Variants in ACACA observed in about 807,000 individuals in gnomAD.
ACACA encodes the protein acetyl-CoA carboxylase alpha.
In ACACA, 103 loss-of-function variants were observed where a neutral mutation model predicts 296.1. That is an observed-to-expected ratio of 0.35 (90% CI 0.30 to 0.41). The LOEUF (loss-of-function observed/expected upper bound fraction) is 0.41. Ranked by LOEUF, ACACA falls within the 10% of genes least tolerant of loss-of-function variation. The pLI, the probability that ACACA is intolerant of heterozygous loss-of-function variation, is 1.00. For synonymous variants in ACACA, 953 were observed against 1,038.6 expected (o/e 0.92, Z 1.58); for missense variants, 1,554 against 2,989.7 (o/e 0.52, Z 11.20).
intron 10 of ACACA, among the ~76,000 whole-genome samples, chr17:37,269,272 C>G (rs2081962879): frequency 6.6e-6 from 1 of 152,132 alleles, no homozygotes; most frequent in South Asian, 2.1e-4. Context: ...CCAATCCTGG[C>G]CAAGACAACA....
chr17:37,262,059 T>C (rs550615444), intron 11 of ACACA, among the ~76,000 whole-genome samples: 2 of 152,190 alleles, frequency 1.3e-5, no homozygotes, highest in South Asian at 4.2e-4. Flanking sequence ...CTTCAGGTTG[T>C]CTTCCTTGGA....
intron 29 of ACACA, among the ~76,000 whole-genome samples, chr17:37,219,357 C>G (rs145497869): frequency 3.9e-5 from 6 of 152,218 alleles, no homozygotes; most frequent in African/African-American, 1.4e-4. Context: ...TTTGGCTGAT[C>G]CTGACAATAA....
At chr17:37,088,803 C>T (rs2072403534) in intron 55 of ACACA, 135 bp downstream of exon 55, 1 of 1,227,540 alleles carries the variant, frequency 8.1e-7, no homozygotes, top group South Asian at 1.2e-5. Flanking sequence ...TGTGGGTCAA[C>T]TACAGCTGTC....
chr17:37,303,457 G>C (rs1051385482), intron 3 of ACACA, among the ~76,000 whole-genome samples: 1 of 152,158 alleles, frequency 6.6e-6, no homozygotes, highest in South Asian at 2.1e-4. Flanking sequence ...GAACATTCAT[G>C]TATAAACTTT....
Position 37,192,313 on chromosome 17 carries a change from C to G in ACACA, c.4201-8G>C, listed in dbSNP as rs778635815. On this transcript the variant is annotated splice_region_variant and splice_polypyrimidine_tract_variant and intron_variant, in intron 36 of 55. Coordinates refer to ENST00000616317, the MANE Select transcript of ACACA (RefSeq NM_198834.3). ...GATACGATCCTCCTCAAACTGAGTA[C>G]AAGAATCAGAGAAAAAACAGCTCAC... 1 of 1,612,852 alleles carries G rather than the reference C, an allele frequency of 6.2e-7. No individual in the cohort carries two copies.
chr17:37,210,751 C>CA (rs57591064), intron 29 of ACACA, among the ~76,000 whole-genome samples: 8,548 of 72,348 alleles, frequency 0.12, 768 homozygotes, highest in African/African-American at 0.23. Context: ...GCTCTATTAC[C>CA]AAAAAAAAAA....
At chr17:37,136,238 A>C (rs2075327331) in intron 45 of ACACA, among the ~76,000 whole-genome samples, 1 of 152,032 alleles carries the variant, frequency 6.6e-6, no homozygotes, top group Non-Finnish European at 1.5e-5. Context: ...CTCCACCCCT[A>C]ACAACCATTG....
At position 37,406,435 on chromosome 17, in the gene ACACA, C is replaced by A; in HGVS notation, c.-136G>T. The A allele has an allele frequency of 1.0e-6, 1 of 1,002,858 alleles. No homozygotes were observed. Among genetic ancestry groups the A allele is most frequent in the South Asian group, 1.3e-5 (1 of 77,612 alleles). The allele number at this position is 1,002,858 out of a possible 1,614,324, so 62.1% of individuals were successfully genotyped here. A position where few individuals can be genotyped will look rare whatever the true frequency, so the allele number is the denominator to read the frequency against. ...TTCACCCCTTAAAATCAGTCTGGTT[C>A]ATCCACGAGCAGCCCTTCGGGGCCC... On this transcript the variant is annotated 5_prime_UTR_variant, in exon 1 of 56. An upstream start codon of the reference 5' UTR is lost. Transcript: ENST00000616317.
chr17:37,286,892 T>A (rs919144443), intron 3 of ACACA, among the ~76,000 whole-genome samples: 2 of 152,206 alleles, frequency 1.3e-5, no homozygotes, highest in African/African-American at 4.8e-5. Context: ...CTCCCAGACT[T>A]AGAGGTGATA....
chr17:37,393,227 G>A (rs1024016635), intron 1 of ACACA, among the ~76,000 whole-genome samples: 5 of 151,856 alleles, frequency 3.3e-5, no homozygotes, highest in African/African-American at 9.7e-5. Flanking sequence ...AAAGAGCACT[G>A]AGGTTGGCAT....
intron 45 of ACACA, among the ~76,000 whole-genome samples, chr17:37,132,915 T>A (rs1251754275): frequency 5.9e-5 from 9 of 152,218 alleles, no homozygotes; most frequent in Non-Finnish European, 1.0e-4. Context: ...GCTCAATAAC[T>A]GAGTACTCTT....
intron 48 of ACACA, 24 bp downstream of exon 48, chr17:37,125,674 C>T (rs747803773): frequency 8.9e-6 from 14 of 1,579,368 alleles, no homozygotes; most frequent in Non-Finnish European, 4.4e-6. Flanking sequence ...GGAAAAAGAG[C>T]TGCCAAAACA....
At chr17:37,205,983 T>C (rs780564323) in intron 32 of ACACA, 111 bp from the exon 33 acceptor site, 46 of 975,310 alleles carry the variant, frequency 4.7e-5, no homozygotes, top group Non-Finnish European at 6.6e-5. Flanking sequence ...CCCCACAGGA[T>C]ATTTTGGTTT....
chr17:37,369,853 G>A (rs555734929), intron 1 of ACACA, among the ~76,000 whole-genome samples: 11 of 151,716 alleles, frequency 7.3e-5, no homozygotes, highest in Admixed American at 2.0e-4. Flanking sequence ...TTACAGGTGC[G>A]TACCACCACA....
At chr17:37,371,378 G>A (rs2049801217) in intron 1 of ACACA, among the ~76,000 whole-genome samples, 1 of 151,824 alleles carries the variant, frequency 6.6e-6, no homozygotes, top group Non-Finnish European at 1.5e-5. Context: ...ACGCCCGGCT[G>A]ATAGTTCAAT....
At chr17:37,242,101 C>T (rs377549415) in intron 22 of ACACA, 48 bp from the exon 23 acceptor site, 3 of 1,439,778 alleles carry the variant, frequency 2.1e-6, no homozygotes, top group African/African-American at 2.8e-5. Context: ...CAACAAAATG[C>T]CCCAAAGCAT....
At position 37,277,878 on chromosome 17, in the gene ACACA, C is replaced by T; in HGVS notation, c.720+18G>A. 6.4e-7 allele frequency: 1 copy of T among 1,573,450 alleles called. No individual in the cohort carries two copies. Among genetic ancestry groups the T allele is most frequent in the Non-Finnish European group, 8.7e-7 (1 of 1,143,076 alleles). On this transcript the variant is annotated intron_variant, in intron 6 of 55. Coordinates refer to ENST00000616317, the MANE Select transcript of ACACA (RefSeq NM_198834.3). ...AATGGCTGAATTTGGTTTTAAAGGA[C>T]ACATTGGCATCTCTTACTTGTACTG...
intron 50 of ACACA, 117 bp downstream of exon 50, chr17:37,121,238 C>A: frequency 2.1e-6 from 3 of 1,397,880 alleles, no homozygotes; most frequent in Non-Finnish European, 3.0e-6. Flanking sequence ...GGGCAGAATC[C>A]CCAAAAAGCC....
intron 1 of ACACA, chr17:37,388,817 T>A (rs368205631): frequency 6.8e-6 from 11 of 1,611,592 alleles, no homozygotes; most frequent in Non-Finnish European, 9.3e-6. Context: ...TTGTATTGAA[T>A]CCTTGAACTT....
Sources: allele counts gnomAD v4.1 joint callset (sites outside exome capture counted in the v4.1 genomes callset), GRCh38; gene constraint gnomAD v4.1.1; transcripts MANE v1.5; gene names NCBI Gene and HGNC (gene_info 2026-07-23, HGNC 2026-07-21).